Variants in TNR observed in about 807,000 individuals in gnomAD.
TNR encodes the protein tenascin R, also known as tenascin-R.
A neutral mutation model predicts 150.4 loss-of-function variants in TNR; 45 were observed. That is an observed-to-expected ratio of 0.30 (90% CI 0.24 to 0.38). TNR has a LOEUF of 0.38. TNR is among the 10% of genes least tolerant of loss of function. The pLI, the probability that TNR is intolerant of heterozygous loss-of-function variation, is 1.00. For missense variants in TNR, 1,544 were observed against 1,759.1 expected (o/e 0.88, Z 2.19); for synonymous variants, 687 against 678.4 (o/e 1.01, Z -0.20).
At chr1:175,529,318 G>A (rs919894388) in intron 1 of TNR, among the ~76,000 whole-genome samples, 1 of 152,222 alleles carries the variant, frequency 6.6e-6, no homozygotes, top group Non-Finnish European at 1.5e-5. Flanking sequence ...CTGAGGTAGA[G>A]GCTTGCTCAT....
chr1:175,682,432 G>T (rs1332648967), intron 1 of TNR, among the ~76,000 whole-genome samples: 1 of 151,906 alleles, frequency 6.6e-6, no homozygotes, highest in Non-Finnish European at 1.5e-5. Flanking sequence ...AGCCTCCAGA[G>T]CCTCCACTCT....
At chr1:175,602,203 CAAAAAAAA>C (rs57341654) in intron 1 of TNR, among the ~76,000 whole-genome samples, 1 of 30,532 alleles carries the variant, frequency 3.3e-5, no homozygotes, top group South Asian at 1.6e-3. Flanking sequence ...GGACCAAAGG[CAAAAAAAA>C]AAAAAAAAAA....
At position 175,355,539 on chromosome 1, in the gene TNR, A is replaced by G; in HGVS notation, c.3213T>C (p.Tyr1071=). Residue 1071 remains tyrosine, a synonymous_variant, in exon 17 of 23, where the codon TAT becomes TAC. Coordinates refer to ENST00000367674, the MANE Select transcript of TNR (RefSeq NM_003285.3). The part of the protein sequence containing the change: ...WQPPRAEIEN[Y]VLTYKSTDGS... ...CATCGGTGGATTTGTAGGTCAAGAC[A>G]TAATTTTCAATCTCTGCCCTGGGAG... 1 of 1,614,088 alleles carries G rather than the reference A, an allele frequency of 6.2e-7. No individual in the cohort carries two copies.
intron 1 of TNR, among the ~76,000 whole-genome samples, chr1:175,690,483 C>T (rs545060359): frequency 9.2e-5 from 14 of 152,174 alleles, no homozygotes; most frequent in Non-Finnish European, 2.1e-4. Context: ...AAGGGGCATT[C>T]CACATGACTC....
intron 1 of TNR, among the ~76,000 whole-genome samples, chr1:175,626,558 T>C (rs1664163265): frequency 6.6e-6 from 1 of 152,188 alleles, no homozygotes; most frequent in Non-Finnish European, 1.5e-5. Flanking sequence ...ACAAAAACCA[T>C]TCTTCATGGC....
At chr1:175,374,935 TGGATGGCTTAG>T (rs1652305555) in intron 9 of TNR, among the ~76,000 whole-genome samples, 1 of 152,096 alleles carries the variant, frequency 6.6e-6, no homozygotes, top group South Asian at 2.1e-4. Flanking sequence ...TGAGAGAGAG[TGGATGGCTTAG>T]GGCAAGCCCC....
chr1:175,418,582 C>T (rs1249655970), intron 2 of TNR, among the ~76,000 whole-genome samples: 1 of 152,112 alleles, frequency 6.6e-6, no homozygotes. Flanking sequence ...ATTAGTTGGG[C>T]GTGGTGGCAC....
At chr1:175,463,113 C>T (rs556058959) in intron 2 of TNR, among the ~76,000 whole-genome samples, 1 of 152,182 alleles carries the variant, frequency 6.6e-6, no homozygotes, top group Non-Finnish European at 1.5e-5. Context: ...AGAATCTCCA[C>T]CTTAAAATAT....
chr1:175,483,129 CAGAT>C (rs1299850917), intron 2 of TNR, among the ~76,000 whole-genome samples: 1 of 152,186 alleles, frequency 6.6e-6, no homozygotes, highest in Non-Finnish European at 1.5e-5. Flanking sequence ...CAGTGGTAAA[CAGAT>C]GAATGAACAG....
At chr1:175,367,343 G>T in intron 9 of TNR, 46 bp from the exon 10 acceptor site, 1 of 1,528,442 alleles carries the variant, frequency 6.5e-7, no homozygotes, top group Admixed American at 1.7e-5. Context: ...TATGGGGCAG[G>T]GCTAGGAAGG....
At chr1:175,635,525 G>A (rs533470873) in intron 1 of TNR, among the ~76,000 whole-genome samples, 5 of 152,322 alleles carry the variant, frequency 3.3e-5, no homozygotes, top group African/African-American at 1.2e-4. Context: ...ATACGAAGTA[G>A]CAAGGAGGTA....
chr1:175,659,006 G>A (rs1665280078), intron 1 of TNR, among the ~76,000 whole-genome samples: 1 of 152,194 alleles, frequency 6.6e-6, no homozygotes, highest in Non-Finnish European at 1.5e-5. Context: ...TTCCAGGGTG[G>A]GAGAAGGGGA....
At chr1:175,642,471 C>A (rs566487133) in intron 1 of TNR, among the ~76,000 whole-genome samples, 1 of 152,278 alleles carries the variant, frequency 6.6e-6, no homozygotes, top group African/African-American at 2.4e-5. Context: ...TGAGGAATTA[C>A]TAAAGTGGTT....
intron 2 of TNR, among the ~76,000 whole-genome samples, chr1:175,527,932 G>A (rs916325919): frequency 2.0e-5 from 3 of 152,080 alleles, no homozygotes; most frequent in South Asian, 2.1e-4. Context: ...TGATTCATGC[G>A]GGCCCAGTGC....
chr1:175,461,186 G>A (rs911667906), intron 2 of TNR, among the ~76,000 whole-genome samples: 1 of 152,194 alleles, frequency 6.6e-6, no homozygotes, highest in Non-Finnish European at 1.5e-5. Flanking sequence ...CCCTGCAGGG[G>A]TCTGCATTTC....
chr1:175,351,203 G>A (rs1158391430), intron 18 of TNR, among the ~76,000 whole-genome samples: 1 of 152,052 alleles, frequency 6.6e-6, no homozygotes, highest in African/African-American at 2.4e-5. Flanking sequence ...TTTCCTTATT[G>A]GTAATGTCCC....
At chr1:175,650,908 T>C (rs1464861641) in intron 1 of TNR, among the ~76,000 whole-genome samples, 1 of 63,354 alleles carries the variant, frequency 1.6e-5, no homozygotes. Flanking sequence ...CTCTCCCACC[T>C]CATTACTACC....
chr1:175,695,038 C>T (rs1256670681), intron 1 of TNR, among the ~76,000 whole-genome samples: 1 of 152,228 alleles, frequency 6.6e-6, no homozygotes, highest in Non-Finnish European at 1.5e-5. Context: ...TGACACTCCC[C>T]CTTCAAAAGG....
At chr1:175,389,275 A>C (rs1424297818) in intron 7 of TNR, among the ~76,000 whole-genome samples, 1 of 152,210 alleles carries the variant, frequency 6.6e-6, no homozygotes, top group African/African-American at 2.4e-5. Context: ...TCTCCCTTTG[A>C]AGTGATTCAC....
Sources: allele counts gnomAD v4.1 joint callset (sites outside exome capture counted in the v4.1 genomes callset), GRCh38; gene constraint gnomAD v4.1.1; transcripts MANE v1.5; gene names NCBI Gene and HGNC (gene_info 2026-07-23, HGNC 2026-07-21).